The following AOPEP variants were observed in gnomAD, a reference collection of about 807,000 sequenced individuals.
AOPEP encodes aminopeptidase O (putative).
Under a neutral mutation model 98.1 loss-of-function variants are expected in AOPEP, and 77 were observed. The observed-to-expected ratio is 0.78, with a 90% CI of 0.65 to 0.95. AOPEP has a LOEUF of 0.95. Among genes scored for constraint, AOPEP ranks in the 40% least tolerant of loss-of-function variants. AOPEP has a pLI of 0.00. For synonymous variants in AOPEP, 346 were observed against 365.3 expected (o/e 0.95, Z 0.60); for missense variants, 1,024 against 1,024.7 (o/e 1.00, Z 0.01).
the AOPEP span, chr9:95,150,198 T>A: frequency 9.3e-7 from 1 of 1,076,390 alleles, no homozygotes; most frequent in Non-Finnish European, 1.4e-6. Context: ...GTTTTGCCTC[T>A]AAATAAAGAG....
chr9:94,874,373 TA>T (rs886247530), intron 5 of AOPEP, among the ~76,000 whole-genome samples: 6 of 150,762 alleles, frequency 4.0e-5, no homozygotes, highest in South Asian at 2.1e-4. Context: ...AACATTCCTT[TA>T]AAAAAAAAGC....
intron 3 of AOPEP, among the ~76,000 whole-genome samples, chr9:94,773,989 A>G (rs1464071406): frequency 6.6e-6 from 1 of 152,096 alleles, no homozygotes; most frequent in African/African-American, 2.4e-5. Context: ...GCTGGTCTTG[A>G]ATGCCCAGGT....
chr9:94,852,094 C>T (rs117701692), intron 5 of AOPEP, among the ~76,000 whole-genome samples: 2,738 of 152,118 alleles, frequency 0.018, 45 homozygotes, highest in Non-Finnish European at 0.026. Flanking sequence ...GGGTGGACCC[C>T]GTAGACATGA....
intron 5 of AOPEP, among the ~76,000 whole-genome samples, chr9:94,922,971 C>G (rs1210346066): frequency 6.6e-6 from 1 of 152,124 alleles, no homozygotes; most frequent in Non-Finnish European, 1.5e-5. Context: ...TGTGCCGAGC[C>G]GACATGATAG....
At chr9:94,999,734 A>T (rs957345727) in intron 11 of AOPEP, among the ~76,000 whole-genome samples, 1 of 152,212 alleles carries the variant, frequency 6.6e-6, no homozygotes, top group Non-Finnish European at 1.5e-5. Context: ...TAGAGTATCC[A>T]GACTACAAGT....
chr9:94,961,359 T>G (rs1214261329), intron 9 of AOPEP, among the ~76,000 whole-genome samples: 2 of 152,234 alleles, frequency 1.3e-5, no homozygotes, highest in Non-Finnish European at 2.9e-5. Context: ...TCAATAAGTA[T>G]GTCTTCATTG....
chr9:94,765,770 CATT>C lies in AOPEP; in HGVS notation c.797+5197_797+5199del, dbSNP rs202245788. ...TATGAATGATTACCAATAATTTTATCATTATTATTCTACTTCTAATATGAAATA... is the reference window on the plus strand; with the variant it reads ...TATGAATGATTACCAATAATTTTATCATTATTCTACTTCTAATATGAAATA... On this transcript the variant is annotated intron_variant, in intron 2 of 16. Coordinates refer to ENST00000375315, the MANE Select transcript of AOPEP (RefSeq NM_001193329.3). 1.2e-3 allele frequency among the ~76,000 whole-genome samples: 178 copies of C among 152,146 alleles called. 5 individuals are homozygous for C. The East Asian group carries it at 0.033, about 28-fold the overall frequency.
rs564675788 is a variant in AOPEP at position 94,882,879 on chromosome 9, A to G, written c.1365-41107A>G. Among the ~76,000 whole-genome samples the G allele has an allele frequency of 3.3e-5, 5 of 152,322 alleles. No individual in the cohort carries two copies. In the East Asian group the frequency reaches 9.6e-4, roughly 29 times the overall value. On this transcript the variant is annotated intron_variant, in intron 5 of 16. Transcript: ENST00000375315. ...GAAAGGTTAACCCGTTTTTCCAAAA[A>G]TACGTACATTGTGGACCCATAATTT...
Position 94,978,452 on chromosome 9 carries a change from C to T in AOPEP, c.1917-915C>T, listed in dbSNP as rs187804758. On this transcript the variant is annotated intron_variant, in intron 10 of 16. Transcript: ENST00000375315. ...CAGATCTCAGATGGTTTCAATCCAA[C>T]GAGGAGACAGTAACTAAGTCTAGTA... 1.4e-4 allele frequency among the ~76,000 whole-genome samples: 22 copies of T among 151,922 alleles called. No individual in the cohort carries two copies. The East Asian group carries it at 3.3e-3, about 23-fold the overall frequency.
At chr9:94,883,357 A>G (rs1456772742) in intron 5 of AOPEP, among the ~76,000 whole-genome samples, 2 of 152,248 alleles carry the variant, frequency 1.3e-5, no homozygotes, top group African/African-American at 2.4e-5. Context: ...TGGGGCTACC[A>G]CATGAGCAGA....
At chr9:94,765,254 A>T (rs1170974534) in intron 2 of AOPEP, among the ~76,000 whole-genome samples, 2 of 151,740 alleles carry the variant, frequency 1.3e-5, no homozygotes, top group African/African-American at 4.8e-5. Context: ...TGAGCCACTG[A>T]CTGCGCCCAG....
chr9:94,829,739 A>G (rs765910394), intron 5 of AOPEP, among the ~76,000 whole-genome samples: 2 of 152,182 alleles, frequency 1.3e-5, no homozygotes, highest in African/African-American at 2.4e-5. Flanking sequence ...GGAGAATCCA[A>G]TACCCCATTA....
chr9:95,008,341 T>C (rs1189394238), intron 13 of AOPEP, among the ~76,000 whole-genome samples: 1 of 152,110 alleles, frequency 6.6e-6, no homozygotes, highest in Non-Finnish European at 1.5e-5. Context: ...GGGGGCAGCT[T>C]TTTTCCTGCC....
At chr9:94,836,374 G>A (rs1588465111) in intron 5 of AOPEP, among the ~76,000 whole-genome samples, 1 of 152,120 alleles carries the variant, frequency 6.6e-6, no homozygotes, top group African/African-American at 2.4e-5. Context: ...CCTGGCTAGT[G>A]CTTGGTATTA....
intron 1 of AOPEP, among the ~76,000 whole-genome samples, chr9:94,745,648 C>T (rs1834315018): frequency 6.6e-6 from 1 of 152,164 alleles, no homozygotes; most frequent in African/African-American, 2.4e-5. Context: ...TCTTTTTTCA[C>T]TTAACATAAT....
chr9:95,083,482 C>T (rs369779196), intron 16 of AOPEP, among the ~76,000 whole-genome samples: 27 of 150,832 alleles, frequency 1.8e-4, no homozygotes, highest in Non-Finnish European at 3.4e-4. Context: ...ACGCGGCACA[C>T]GCAGCACACA....
chr9:94,928,750 G>A (rs1442496938), intron 7 of AOPEP: 1 of 489,964 alleles, frequency 2.0e-6, no homozygotes, highest in Non-Finnish European at 3.6e-6. Context: ...GAAAAAACTA[G>A]CATGAGGCCA....
rs188841347 is a variant in AOPEP, at chr9:94,842,987, A to G, written c.1364+41985A>G. On this transcript the variant is annotated intron_variant, in intron 5 of 16. Transcript: ENST00000375315. ...GATTTGTCTTGGAATTGACTTCTTT[A>G]TTGTTTAAGCTTTGCTCATCTTCTT... 5.9e-5 allele frequency among the ~76,000 whole-genome samples: 9 copies of G among 152,068 alleles called. No individual in the cohort carries two copies. The East Asian group carries it at 1.4e-3, about 23-fold the overall frequency.
chr9:95,086,404 G>GTTAGAGTGGGTGCGTGTCTGAA (rs2070705063), intron 16 of AOPEP: 4 of 985,438 alleles, frequency 4.1e-6, no homozygotes, highest in Non-Finnish European at 4.8e-6. Context: ...TCTGAGAACA[G>GTTAGAGTGGGTGCGTGTCTGAA]TTAGAGTGGG....
Sources: allele counts gnomAD v4.1 joint callset (sites outside exome capture counted in the v4.1 genomes callset), GRCh38; gene constraint gnomAD v4.1.1; transcripts MANE v1.5; gene names NCBI Gene and HGNC (gene_info 2026-07-23, HGNC 2026-07-21).